Variants in NEBL observed in about 807,000 individuals in gnomAD.
NEBL encodes the protein LIM and SH3 protein 2.
A neutral mutation model predicts 140.2 loss-of-function variants in NEBL; 122 were observed. The ratio of observed to expected loss-of-function variants is 0.87; its 90% confidence interval spans 0.75 to 1.01. NEBL has a LOEUF of 1.01. Among genes scored for constraint, NEBL ranks in the 50% least tolerant of loss-of-function variants. The pLI, the probability that NEBL is intolerant of heterozygous loss-of-function variation, is 0.00. For missense variants in NEBL, 1,365 were observed against 1,231.3 expected, an observed-to-expected ratio of 1.11 and a Z score of -1.62; for synonymous variants, 436 against 398.9, an observed-to-expected ratio of 1.09 and a Z score of -1.11.
At position 20,806,610 on chromosome 10, in the gene NEBL, A is replaced by G. The variant is rs891100104; in HGVS notation, c.2761+1900T>C. 6.6e-5 allele frequency among the ~76,000 whole-genome samples: 10 copies of G among 152,104 alleles called. No homozygotes were observed. The East Asian group carries it at 7.7e-4, about 12-fold the overall frequency. On this transcript the variant is annotated intron_variant, in intron 26 of 27. Transcript: ENST00000377122. ...CGTCACAGGCCTGATTCTGCTCTTC[A>G]TTATGTATTACTTGTTTAAGTGTCT...
intron 16 of NEBL, among the ~76,000 whole-genome samples, chr10:20,830,353 G>A (rs1220758643): frequency 6.6e-6 from 1 of 151,496 alleles, no homozygotes; most frequent in African/African-American, 2.4e-5. Flanking sequence ...TTTTCCATTG[G>A]GAGTCATTCT....
At chr10:20,793,641 T>G (rs768210576) in intron 26 of NEBL, among the ~76,000 whole-genome samples, 1 of 151,224 alleles carries the variant, frequency 6.6e-6, no homozygotes, top group African/African-American at 2.4e-5. Flanking sequence ...GCAGCCTCCA[T>G]CTCCCAGGCT....
chr10:21,030,058 T>A (rs1434129093), intron 2 of NEBL: 2 of 476,426 alleles, frequency 4.2e-6, no homozygotes, highest in Admixed American at 5.6e-5. Context: ...CTTCTGCTAG[T>A]ACCTCCCAGT....
intron 3 of NEBL, among the ~76,000 whole-genome samples, chr10:21,016,480 A>G (rs45553737): frequency 0.028 from 4,223 of 152,322 alleles, 211 homozygotes; most frequent in African/African-American, 0.096. Context: ...TTTTTTAAAG[A>G]AAGAGATAAC....
chr10:20,943,200 C>A (rs1834977830), intron 4 of NEBL, among the ~76,000 whole-genome samples: 1 of 152,194 alleles, frequency 6.6e-6, no homozygotes, highest in African/African-American at 2.4e-5. Flanking sequence ...AAATGTCCAA[C>A]AATGAAAGAC....
chr10:21,098,190 A>C (rs1380928693), intron 2 of NEBL, among the ~76,000 whole-genome samples: 1 of 143,612 alleles, frequency 7.0e-6, no homozygotes, highest in African/African-American at 2.4e-5. Flanking sequence ...ACACACACAC[A>C]CACTCATTCA....
At chr10:21,202,522 G>A (rs1245565559) in intron 3 of NEBL, among the ~76,000 whole-genome samples, 1 of 138,318 alleles carries the variant, frequency 7.2e-6, no homozygotes, top group Non-Finnish European at 1.5e-5. Context: ...GGAGTGCAGT[G>A]GCGTGATCTC....
At chr10:21,188,085 T>C (rs1841506388) in intron 3 of NEBL, among the ~76,000 whole-genome samples, 1 of 152,230 alleles carries the variant, frequency 6.6e-6, no homozygotes, top group Admixed American at 6.5e-5. Flanking sequence ...TTTCTGTTTA[T>C]GGGCTTCTGC....
At chr10:21,258,162 C>T (rs1183678121) in intron 1 of NEBL, among the ~76,000 whole-genome samples, 1 of 152,138 alleles carries the variant, frequency 6.6e-6, no homozygotes, top group Non-Finnish European at 1.5e-5. Context: ...GTGACTCAAG[C>T]CTGTAGTCCC....
chr10:21,207,570 C>A (rs1386575134), intron 3 of NEBL, among the ~76,000 whole-genome samples: 1 of 152,136 alleles, frequency 6.6e-6, no homozygotes, highest in African/African-American at 2.4e-5. Flanking sequence ...CCCTAGAAGC[C>A]TGACCCTGCT....
Position 21,190,416 on chromosome 10 carries a change from A to AGATTGACTGG in NEBL, n.349-17940_349-17939insCCAGTCAATC, listed in dbSNP as rs1841552262. ...GGAGAATTGCTTGAGCCTGGGAGGT[A>AGATTGACTGG]GAGGCTACATTGAGCTATGATTGAA... On this transcript the variant is annotated intron_variant and non_coding_transcript_variant, in intron 3 of 8. Coordinates refer to the NEBL transcript ENST00000675702. Among the ~76,000 whole-genome samples the AGATTGACTGG allele has an allele frequency of 2.0e-5, 3 of 152,296 alleles. No homozygotes were observed. The South Asian group carries it at 6.2e-4, about 32-fold the overall frequency.
intron 2 of NEBL, among the ~76,000 whole-genome samples, chr10:21,092,819 G>A (rs1047003551): frequency 6.6e-5 from 10 of 151,994 alleles, no homozygotes; most frequent in African/African-American, 2.4e-4. Context: ...ATCGAGTAAG[G>A]CATTAAAAAG....
At chr10:21,015,461 C>T (rs1838517954) in intron 3 of NEBL, among the ~76,000 whole-genome samples, 1 of 152,222 alleles carries the variant, frequency 6.6e-6, no homozygotes, top group Non-Finnish European at 1.5e-5. Context: ...GGAATGCTTT[C>T]TACCACATGA....
intron 2 of NEBL, among the ~76,000 whole-genome samples, chr10:21,149,453 GATAATTTTT>G (rs1480967897): frequency 3.3e-5 from 5 of 152,072 alleles, no homozygotes; most frequent in African/African-American, 1.2e-4. Flanking sequence ...ACCACACCCA[GATAATTTTT>G]ATATTTTTAG....
chr10:20,785,951 T>A, intron 27 of NEBL, 28 bp from the exon 28 acceptor site: 2 of 1,606,016 alleles, frequency 1.2e-6, no homozygotes, highest in Non-Finnish European at 1.7e-6. Context: ...GATTATACGA[T>A]GAATGCCGAA....
At chr10:21,188,793 T>C (rs2132214617) in intron 3 of NEBL, among the ~76,000 whole-genome samples, 1 of 151,956 alleles carries the variant, frequency 6.6e-6, no homozygotes, top group South Asian at 2.1e-4. Flanking sequence ...TTTCATCACG[T>C]CGGCCAGGCT....
intron 4 of NEBL, among the ~76,000 whole-genome samples, chr10:20,941,763 C>CA (rs1181867501): frequency 2.0e-5 from 3 of 151,992 alleles, no homozygotes; most frequent in Non-Finnish European, 4.4e-5. Context: ...AATCAATGTG[C>CA]AAAAATCACA....
chr10:20,886,874 A>C (rs788961), intron 4 of NEBL, among the ~76,000 whole-genome samples: 34,191 of 152,164 alleles, frequency 0.22, 4,197 homozygotes, highest in East Asian at 0.42. Flanking sequence ...ATGTAAAAGG[A>C]AGCATATCCT....
chr10:21,106,780 A>T (rs1462648666), intron 2 of NEBL, among the ~76,000 whole-genome samples: 2 of 152,150 alleles, frequency 1.3e-5, no homozygotes, highest in African/African-American at 4.8e-5. Flanking sequence ...CTTGGGCAGT[A>T]TGGCCATTTT....
Sources: allele counts gnomAD v4.1 joint callset (sites outside exome capture counted in the v4.1 genomes callset), GRCh38; gene constraint gnomAD v4.1.1; transcripts MANE v1.5; gene names NCBI Gene and HGNC (gene_info 2026-07-23, HGNC 2026-07-21).